Variants in IRS2 observed in about 807,000 individuals in gnomAD.
IRS2 encodes insulin receptor substrate 2.
IRS2 carries 28 observed loss-of-function variants against 70.9 expected under a neutral mutation model. That is an observed-to-expected ratio of 0.39 (90% CI 0.29 to 0.54). The LOEUF (loss-of-function observed/expected upper bound fraction) is 0.54, where lower values mean the gene tolerates loss of function less well. Among genes scored for constraint, IRS2 ranks in the 20% least tolerant of loss-of-function variants. The pLI, the probability that IRS2 is intolerant of heterozygous loss-of-function variation, is 0.59. For synonymous variants in IRS2, 1,217 were observed against 981.9 expected (o/e 1.24, Z -4.48); for missense variants, 2,081 against 2,024.1 (o/e 1.03, Z -0.54).
intron 1 of IRS2, among the ~76,000 whole-genome samples, chr13:109,764,445 T>A (rs1002997195): frequency 6.6e-5 from 10 of 152,306 alleles, no homozygotes; most frequent in African/African-American, 2.4e-4. Context: ...ACCTGTCAAA[T>A]GAGATTTCAT....
At position 109,784,115 on chromosome 13, in the gene IRS2, G is replaced by A. The variant is rs137852740; in HGVS notation, c.1939C>T (p.Leu647=). 27 of 1,594,838 alleles carry A rather than the reference G, an allele frequency of 1.7e-5. No individual in the cohort carries two copies. The African/African-American group carries it at 2.4e-4, about 14-fold the overall frequency. Residue 647 remains leucine, a synonymous_variant, in exon 1 of 2, where the codon CTG becomes TTG. Coordinates refer to ENST00000375856, the MANE Select transcript of IRS2 (RefSeq NM_003749.3). This position sits in a 1 kb window ranked among gnomAD's most constrained non-coding sequence, Gnocchi z 5.2. The part of the protein sequence containing the change: ...IGSHRSSSSN[L]GADDGYMPMT... ...GGCATGTAGCCGTCGTCTGCCCCCA[G>A]GTTGCTGCTGGAGCTCCTGTGGGAG...
At chr13:109,772,216 T>A (rs974177931) in intron 1 of IRS2, among the ~76,000 whole-genome samples, 1 of 152,002 alleles carries the variant, frequency 6.6e-6, no homozygotes, top group Non-Finnish European at 1.5e-5. Flanking sequence ...CTGACTTCAG[T>A]CCCTATTTTC....
At position 109,756,123 on chromosome 13, in the gene IRS2, G is replaced by C. The variant is rs1877102152; in HGVS notation, c.*181C>G. 2 of 603,312 alleles carry C rather than the reference G, an allele frequency of 3.3e-6. No homozygotes were observed. The highest frequency in any genetic ancestry group is 6.0e-6 in the Non-Finnish European group (2 of 331,958). The allele number at this position is 603,312 out of a possible 1,614,324, so 37.4% of individuals were successfully genotyped here. On this transcript the variant is annotated 3_prime_UTR_variant, in exon 2 of 2. Coordinates refer to ENST00000375856, the MANE Select transcript of IRS2 (RefSeq NM_003749.3). Reference sequence around the variant, plus strand: ...GCCCCATCCGGGAACAAGGGAAAGAGGCAGGTGACCTTGCCTTGTTGGTGC... The same window carrying C: ...GCCCCATCCGGGAACAAGGGAAAGACGCAGGTGACCTTGCCTTGTTGGTGC...
In IRS2 at chr13:109,782,634, C is replaced by T. The variant is rs370739632; in HGVS notation, c.3420G>A (p.Pro1140=). The change falls in exon 1 of 2, where the codon CCG becomes CCA. Residue 1140 remains proline (P), a synonymous_variant. Coordinates refer to ENST00000375856, the MANE Select transcript of IRS2 (RefSeq NM_003749.3). ...AACTGTGGCGGCGGCGGCCCCCCTG[C>T]GGGTCTGCGCGGATGACCTTGGCGC... ...HRGAKVIRAD[P]QGGRRRHSSE... is the part of the protein sequence containing the mutation. 4 of 1,570,302 alleles carry T rather than the reference C, an allele frequency of 2.5e-6. No homozygotes were observed. The highest frequency in any genetic ancestry group is 1.4e-5 in the African/African-American group (1 of 73,746).
In IRS2 at chr13:109,756,294, A is replaced by G; in HGVS notation, c.*10T>C. The G allele has an allele frequency of 6.2e-7, 1 of 1,608,868 alleles. No individual in the cohort carries two copies. The highest frequency in any genetic ancestry group is 8.5e-7 in the Non-Finnish European group (1 of 1,175,164). On this transcript the variant is annotated 3_prime_UTR_variant, in exon 2 of 2. Coordinates refer to ENST00000375856, the MANE Select transcript of IRS2 (RefSeq NM_003749.3). ...CATGTGACATCCTGGTGATAAAGCC[A>G]GACAGATCTTCACTCTGAAAAAGAA...
rs774605920 is a variant in IRS2, at chr13:109,784,480, G to A, written c.1574C>T (p.Ala525Val). The A allele has an allele frequency of 4.4e-6, 7 of 1,577,386 alleles. No homozygotes were observed. Among genetic ancestry groups the A allele is most frequent in the African/African-American group, 1.4e-5 (1 of 73,668 alleles). Residue 525 changes from alanine to valine, a missense_variant, in exon 1 of 2, where the codon GCG becomes GTG. Ala to Val is a moderately conservative substitution (Grantham distance 64). This residue lies in a region of IRS2 where 1,615 missense variants were observed against 1,459.5 expected (regional missense o/e 1.11). Transcript: ENST00000375856. This position sits in a 1 kb window ranked among gnomAD's most constrained non-coding sequence, Gnocchi z 5.2. ...GCCGTCTCGGGCCGGGGGCGTCTCC[G>A]CGATGGACTCGGGCGTGTTGCTTCG... ...SHRSNTPESI[A>V]ETPPARDGGG... is the part of the protein sequence containing the mutation.
intron 1 of IRS2, among the ~76,000 whole-genome samples, chr13:109,756,646 G>A (rs1207516891): frequency 1.3e-5 from 2 of 152,186 alleles, no homozygotes; most frequent in South Asian, 2.1e-4. Flanking sequence ...GTTGCACTGC[G>A]TGTCTGTGTG....
At chr13:109,774,156 G>A (rs1384726057) in intron 1 of IRS2, among the ~76,000 whole-genome samples, 1 of 152,120 alleles carries the variant, frequency 6.6e-6, no homozygotes, top group Non-Finnish European at 1.5e-5. Flanking sequence ...CGGTGGTGGG[G>A]AGGTATCTTA....
At chr13:109,778,307 C>G (rs1394182149) in intron 1 of IRS2, among the ~76,000 whole-genome samples, 2 of 152,182 alleles carry the variant, frequency 1.3e-5, no homozygotes, top group East Asian at 3.8e-4. Flanking sequence ...TTTCCTGATT[C>G]CTGGTTTAGT....
Position 109,755,233 on chromosome 13 carries a change from G to GAT in IRS2, c.*1070_*1071insAT, listed in dbSNP as rs1555314755. 3.9e-5 allele frequency: 8 copies of GAT among 207,478 alleles called. No homozygotes were observed. Among genetic ancestry groups the GAT allele is most frequent in the Non-Finnish European group, 7.4e-5 (8 of 107,620 alleles). 12.9% of individuals were successfully genotyped at this position (207,478 alleles called of 1,614,324 possible). A position where few individuals can be genotyped will look rare whatever the true frequency, so the allele number is the denominator to read the frequency against. ...TCTTTCCTTTTTTTTTTTTCTTTTT[G>GAT]TTTTTTTTGTTCAGGGCAGCCTCAC... is the stretch of plus-strand genomic sequence containing the variant. On this transcript the variant is annotated 3_prime_UTR_variant, in exon 2 of 2. Transcript: ENST00000375856.
intron 1 of IRS2, among the ~76,000 whole-genome samples, chr13:109,757,306 A>C (rs1877128853): frequency 6.6e-6 from 1 of 152,212 alleles, no homozygotes; most frequent in Admixed American, 6.5e-5. Context: ...TTTGCTCTCA[A>C]ACAGGTACAT....
In IRS2 at chr13:109,785,462, A is replaced by G; in HGVS notation, c.592T>C (p.Trp198Arg). ...CCCTTGGGCTTCAGGTTCACCTGCC[A>G]CACCTCACGGTAGGCGGCCGTGGCG... Reference protein sequence around the residue: ...APATAAYREVWQVNLKPKGLG... With the variant: ...APATAAYREVRQVNLKPKGLG... The change falls in exon 1 of 2, where the codon TGG becomes CGG. Residue 198 changes from tryptophan to arginine, a missense_variant. Coordinates refer to ENST00000375856, the MANE Select transcript of IRS2 (RefSeq NM_003749.3). This position sits in a 1 kb window ranked among gnomAD's most constrained non-coding sequence, Gnocchi z 9.3. 1 of 1,612,178 alleles carries G rather than the reference A, an allele frequency of 6.2e-7. No homozygotes were observed. The highest frequency in any genetic ancestry group is 8.5e-7 in the Non-Finnish European group (1 of 1,179,812).
intron 1 of IRS2, among the ~76,000 whole-genome samples, chr13:109,778,606 G>A (rs1321210155): frequency 1.3e-5 from 2 of 152,156 alleles, no homozygotes; most frequent in African/African-American, 4.8e-5. Flanking sequence ...AAAATTCTCT[G>A]CTTTACGACT....
rs753030361 is a variant in IRS2, at chr13:109,782,379, G to A, written c.3675C>T (p.Pro1225=). Residue 1225 remains proline, a synonymous_variant, in exon 1 of 2, where the codon CCC becomes CCT. Transcript: ENST00000375856. The stretch of plus-strand genomic sequence containing the variant: ...TCCCAGGACAACCGACCAAGCCCCC[G>A]GGCTGACCCGGGGTCCACGGCCGGC... ...PQGRPWTPGQ[P]GGLVGCPGSG... is the part of the protein sequence containing the mutation. 1.1e-5 allele frequency: 18 copies of A among 1,610,668 alleles called. No individual in the cohort carries two copies. In the East Asian group the frequency reaches 2.0e-4, roughly 18 times the overall value.
rs1008704230 is a variant in IRS2, at chr13:109,755,224, T to TTA, written c.*1079_*1080insTA. ...CAGTTTCTTTCTTTCCTTTTTTTTT[T>TTA]TTCTTTTTGTTTTTTTTGTTCAGGG... On this transcript the variant is annotated 3_prime_UTR_variant, in exon 2 of 2. Coordinates refer to ENST00000375856, the MANE Select transcript of IRS2 (RefSeq NM_003749.3). The TTA allele has an allele frequency of 7.4e-6, 1 of 135,890 alleles. No homozygotes were observed. The highest frequency in any genetic ancestry group is 4.5e-5 in the African/African-American group (1 of 22,136). The allele number at this position is 135,890 out of a possible 1,614,324, so 8.4% of individuals were successfully genotyped here.
chr13:109,768,694 G>A (rs1370863494), intron 1 of IRS2, among the ~76,000 whole-genome samples: 2 of 152,140 alleles, frequency 1.3e-5, no homozygotes, highest in Admixed American at 6.5e-5. Context: ...CTTTTAGTCT[G>A]TCAGAGGGAA....
At chr13:109,762,439 C>T (rs1475523432) in intron 1 of IRS2, among the ~76,000 whole-genome samples, 1 of 152,214 alleles carries the variant, frequency 6.6e-6, no homozygotes, top group African/African-American at 2.4e-5. Flanking sequence ...GGGTCCTCAA[C>T]TTCTCCCAGA....
chr13:109,756,639 G>A (rs1877112787), intron 1 of IRS2, among the ~76,000 whole-genome samples: 1 of 152,206 alleles, frequency 6.6e-6, no homozygotes, highest in African/African-American at 2.4e-5. Context: ...TTCCTAGGTT[G>A]CACTGCGTGT....
chr13:109,783,060 G>A lies in IRS2; in HGVS notation c.2994C>T (p.Pro998=), dbSNP rs771177456. 2 of 1,379,090 alleles carry A rather than the reference G, an allele frequency of 1.5e-6. No homozygotes were observed. The highest frequency in any genetic ancestry group is 1.9e-4 in the Middle Eastern group (1 of 5,256). The allele number at this position is 1,379,090 out of a possible 1,614,324, so 85.4% of individuals were successfully genotyped here. Residue 998 remains proline (P), a synonymous_variant, in exon 1 of 2, where the codon CCC becomes CCT. Transcript: ENST00000375856. ...SPKPGAPSGH[P]VGSLDGLLSP... ...ACAGGAGGCCGTCCAAGGAGCCCAC[G>A]GGGTGGCCGCTCGGGGCGCCCGGCT...
Sources: gnomAD v4.1 joint callset for allele counts (sites outside exome capture counted in the v4.1 genomes callset) on GRCh38, gnomAD v4.1.1 for gene constraint, gnomAD v4.1.1 regional missense constraint, Gnocchi (gnomAD v3.1) non-coding constraint, MANE v1.5 for transcripts, NCBI Gene and HGNC (gene_info 2026-07-23, HGNC 2026-07-21) for gene names.